PRTFDC1: variants seen among roughly 807,000 people sequenced by gnomAD.
PRTFDC1 encodes phosphoribosyltransferase domain-containing protein 1.
Under a neutral mutation model 34.6 loss-of-function variants are expected in PRTFDC1, and 38 were observed. That is an observed-to-expected ratio of 1.10 (90% confidence interval 0.85 to 1.44). The LOEUF (loss-of-function observed/expected upper bound fraction) is 1.44, where lower values mean the gene tolerates loss of function less well. Ranked by LOEUF, PRTFDC1 falls within the 40% of genes most tolerant of loss-of-function variation. The pLI, the probability that PRTFDC1 is intolerant of heterozygous loss-of-function variation, is 0.00. For missense variants in PRTFDC1, 270 were observed against 283.0 expected, an observed-to-expected ratio of 0.95 and a Z score of 0.33; for synonymous variants, 93 against 98.1, an observed-to-expected ratio of 0.95 and a Z score of 0.31.
At chr10:24,946,375 A>G (rs1489885529) in intron 1 of PRTFDC1, among the ~76,000 whole-genome samples, 1 of 152,138 alleles carries the variant, frequency 6.6e-6, no homozygotes, top group African/African-American at 2.4e-5. Context: ...ATAATACATG[A>G]TGTTTGACGC....
chr10:24,935,174 G>T (rs1849030227), intron 3 of PRTFDC1, among the ~76,000 whole-genome samples: 1 of 152,110 alleles, frequency 6.6e-6, no homozygotes, highest in Non-Finnish European at 1.5e-5. Context: ...ACTCTAAAGA[G>T]GATGGATGTT....
At chr10:24,902,441 A>G (rs11595185) in intron 3 of PRTFDC1, among the ~76,000 whole-genome samples, 31,218 of 152,082 alleles carry the variant, frequency 0.21, 4,087 homozygotes, top group Non-Finnish European at 0.3. Flanking sequence ...GCAGGAATGA[A>G]TTCTAGGAAA....
intron 2 of PRTFDC1, among the ~76,000 whole-genome samples, chr10:24,938,261 G>A (rs1849086966): frequency 6.6e-6 from 1 of 151,806 alleles, no homozygotes; most frequent in Non-Finnish European, 1.5e-5. Flanking sequence ...TTTCCAACAT[G>A]ATGAAGTAAG....
intron 3 of PRTFDC1, among the ~76,000 whole-genome samples, chr10:24,916,408 T>C (rs1293725961): frequency 6.6e-6 from 1 of 152,210 alleles, no homozygotes; most frequent in Non-Finnish European, 1.5e-5. Context: ...TCTTCCTACT[T>C]ACTCAGAGAA....
chr10:24,865,834 T>C (rs1008220904), intron 4 of PRTFDC1, among the ~76,000 whole-genome samples: 8 of 152,226 alleles, frequency 5.3e-5, no homozygotes, highest in African/African-American at 1.9e-4. Context: ...ATGAGCTGTA[T>C]TGGGGATATG....
In PRTFDC1 at chr10:24,917,650, A is replaced by G. The variant is rs1588613205; in HGVS notation, c.339+19534T>C. Among the ~76,000 whole-genome samples the G allele has an allele frequency of 2.0e-5, 3 of 152,146 alleles. No individual in the cohort carries two copies. In the East Asian group the frequency reaches 5.8e-4, roughly 29 times the overall value. The stretch of plus-strand genomic sequence containing the variant: ...CTCCTTGCTTCTAAGTGAGACACCA[A>G]AAGAGCTGATGGGAAAGAGTTATGT... On this transcript the variant is annotated intron_variant, in intron 3 of 8. Coordinates refer to ENST00000320152, the MANE Select transcript of PRTFDC1 (RefSeq NM_020200.7).
At chr10:24,880,668 G>A (rs1411443257) in intron 3 of PRTFDC1, among the ~76,000 whole-genome samples, 2 of 152,134 alleles carry the variant, frequency 1.3e-5, no homozygotes, top group East Asian at 3.9e-4. Flanking sequence ...CCAATCTATT[G>A]ATTGGCTATC....
intron 3 of PRTFDC1, among the ~76,000 whole-genome samples, chr10:24,926,557 C>T (rs959027561): frequency 1.3e-5 from 2 of 152,216 alleles, no homozygotes; most frequent in Non-Finnish European, 2.9e-5. Context: ...CCATGTTGCC[C>T]AGGCTGGTCT....
At position 24,894,544 on chromosome 10, in the gene PRTFDC1, T is replaced by G. The variant is rs189637245; in HGVS notation, c.340-22481A>C. Among the ~76,000 whole-genome samples the G allele has an allele frequency of 2.8e-4, 42 of 152,200 alleles. No homozygotes were observed. In the East Asian group the frequency reaches 7.0e-3, roughly 25 times the overall value. On this transcript the variant is annotated intron_variant, in intron 3 of 8. Coordinates refer to ENST00000320152, the MANE Select transcript of PRTFDC1 (RefSeq NM_020200.7). ...TCAGTGGAGAAGAGTGGTTTCTTTT[T>G]CCACTTCATGCAGCTCAGAGTTCTG...
intron 3 of PRTFDC1, among the ~76,000 whole-genome samples, chr10:24,874,907 G>C (rs1413835161): frequency 6.6e-6 from 1 of 152,160 alleles, no homozygotes; most frequent in Non-Finnish European, 1.5e-5. Context: ...TTCTCATGAT[G>C]ATGAGTGAGT....
intron 3 of PRTFDC1, among the ~76,000 whole-genome samples, chr10:24,888,530 G>C (rs1380719998): frequency 6.6e-6 from 1 of 152,172 alleles, no homozygotes; most frequent in East Asian, 1.9e-4. Context: ...GACAAAACCA[G>C]ACCTGGCACC....
At chr10:24,851,545 C>T in intron 7 of PRTFDC1, 81 bp from the exon 8 acceptor site, 1 of 1,552,954 alleles carries the variant, frequency 6.4e-7, no homozygotes, top group Non-Finnish European at 8.6e-7. Context: ...GCTGCTGTCG[C>T]CACTCAAACT....
At chr10:24,851,262 C>T in intron 8 of PRTFDC1, 126 bp downstream of exon 8, 2 of 1,345,900 alleles carry the variant, frequency 1.5e-6, no homozygotes, top group South Asian at 1.6e-5. Context: ...ATGCAATGTG[C>T]TCACCATACT....
intron 3 of PRTFDC1, among the ~76,000 whole-genome samples, chr10:24,935,926 A>G (rs1405002521): frequency 6.6e-6 from 1 of 152,202 alleles, no homozygotes; most frequent in African/African-American, 2.4e-5. Context: ...ACCTCAGATG[A>G]TATCAAAATC....
At chr10:24,932,941 A>T (rs1201452357) in intron 3 of PRTFDC1, among the ~76,000 whole-genome samples, 1 of 152,166 alleles carries the variant, frequency 6.6e-6, no homozygotes, top group Non-Finnish European at 1.5e-5. Flanking sequence ...TAGTGTCCAG[A>T]AATAGACCAA....
intron 3 of PRTFDC1, among the ~76,000 whole-genome samples, chr10:24,891,506 G>C (rs571067935): frequency 1.5e-4 from 23 of 152,114 alleles, no homozygotes; most frequent in African/African-American, 5.3e-4. Context: ...AAAAAGACAG[G>C]CTCAGGCTGG....
At chr10:24,908,724 G>T (rs775484832) in intron 3 of PRTFDC1, 3 of 1,540,634 alleles carry the variant, frequency 1.9e-6, no homozygotes, top group Non-Finnish European at 2.6e-6. Flanking sequence ...AGGGAGGAAG[G>T]AGACACCTAC....
intron 2 of PRTFDC1, among the ~76,000 whole-genome samples, chr10:24,938,651 G>A (rs1207371797): frequency 6.7e-6 from 1 of 149,648 alleles, no homozygotes; most frequent in African/African-American, 2.4e-5. Flanking sequence ...GGATTTGATA[G>A]GAAGTTCCAG....
chr10:24,885,323 G>A (rs987102874), intron 3 of PRTFDC1, among the ~76,000 whole-genome samples: 1 of 152,158 alleles, frequency 6.6e-6, no homozygotes, highest in Non-Finnish European at 1.5e-5. Flanking sequence ...GTCCTATGAG[G>A]CAGGATCCAG....
Sources: gnomAD v4.1 joint callset for allele counts (sites outside exome capture counted in the v4.1 genomes callset) on GRCh38, gnomAD v4.1.1 for gene constraint, MANE v1.5 for transcripts, NCBI Gene and HGNC (gene_info 2026-07-23, HGNC 2026-07-21) for gene names.